Variants in SPATA17 observed in about 807,000 individuals in gnomAD.
SPATA17 encodes the protein spermatogenesis-associated protein 17.
A neutral mutation model predicts 62.2 loss-of-function variants in SPATA17; 53 were observed. The observed-to-expected ratio is 0.85, with a 90% CI of 0.68 to 1.07. The LOEUF is 1.07. Ranked by LOEUF, SPATA17 falls within the 50% of genes least tolerant of loss-of-function variation. The pLI is 0.00. For synonymous variants in SPATA17, 146 were observed against 146.8 expected (o/e 0.99, Z 0.04); for missense variants, 466 against 425.5 (o/e 1.10, Z -0.84).
At chr1:217,668,930 A>T in intron 3 of SPATA17, 103 bp from the exon 4 acceptor site, 1 of 979,506 alleles carries the variant, frequency 1.0e-6, no homozygotes, top group Non-Finnish European at 1.6e-6. Flanking sequence ...TAGAACTCTT[A>T]TTATGTATTA....
At chr1:217,745,044 C>T (rs768991946) in intron 6 of SPATA17, among the ~76,000 whole-genome samples, 1 of 152,122 alleles carries the variant, frequency 6.6e-6, no homozygotes, top group Non-Finnish European at 1.5e-5. Flanking sequence ...TTCCTCATTT[C>T]CTTTCTTGGC....
chr1:217,640,455 G>T (rs560023903), intron 1 of SPATA17, among the ~76,000 whole-genome samples: 2 of 152,204 alleles, frequency 1.3e-5, no homozygotes, highest in East Asian at 3.9e-4. Flanking sequence ...TATAATTTAA[G>T]ACTTTGGCAA....
At chr1:217,836,915 C>T (rs1010052878) in intron 9 of SPATA17, among the ~76,000 whole-genome samples, 3 of 152,050 alleles carry the variant, frequency 2.0e-5, no homozygotes, top group Non-Finnish European at 4.4e-5. Context: ...ATGAATTATT[C>T]AACAATAATT....
chr1:217,687,860 G>A (rs1209809744), intron 5 of SPATA17, among the ~76,000 whole-genome samples: 2 of 152,078 alleles, frequency 1.3e-5, no homozygotes, highest in African/African-American at 4.8e-5. Context: ...TATTTTAATT[G>A]AGCAATAAAA....
intron 9 of SPATA17, among the ~76,000 whole-genome samples, chr1:217,827,315 A>T (rs1675020206): frequency 6.6e-6 from 1 of 152,158 alleles, no homozygotes; most frequent in Non-Finnish European, 1.5e-5. Flanking sequence ...GCAAAGGAAG[A>T]ATTAATATTG....
chr1:217,722,881 T>C (rs1388129307), intron 5 of SPATA17, among the ~76,000 whole-genome samples: 1 of 152,152 alleles, frequency 6.6e-6, no homozygotes, highest in Non-Finnish European at 1.5e-5. Flanking sequence ...TCTGGATTAT[T>C]GCCAATGCCA....
In SPATA17 at chr1:217,800,208, G is replaced by A. The variant is rs565597993; in HGVS notation, c.873-1510G>A. On this transcript the variant is annotated intron_variant, in intron 8 of 10. Transcript: ENST00000366933. ...TAAAAATTAGATTAGAAACTCTATGGGTGTAAAAGAGTGGCTTTTTGATAG... is the reference window on the plus strand; with the variant it reads ...TAAAAATTAGATTAGAAACTCTATGAGTGTAAAAGAGTGGCTTTTTGATAG... 3.2e-4 allele frequency among the ~76,000 whole-genome samples: 48 copies of A among 152,160 alleles called. 1 individual carries two copies. The highest frequency in any genetic ancestry group is 1.1e-3 in the African/African-American group (44 of 41,516).
intron 9 of SPATA17, among the ~76,000 whole-genome samples, chr1:217,847,662 T>G (rs1675558190): frequency 6.6e-6 from 1 of 152,148 alleles, no homozygotes; most frequent in Admixed American, 6.6e-5. Flanking sequence ...TGTAAAAATG[T>G]TCAGATGTAG....
chr1:217,631,905 G>A (rs1224121373), intron 1 of SPATA17, among the ~76,000 whole-genome samples: 2 of 152,126 alleles, frequency 1.3e-5, no homozygotes, highest in Non-Finnish European at 1.5e-5. Flanking sequence ...CGTATCTGCC[G>A]GGTGTGGTGG....
intron 5 of SPATA17, among the ~76,000 whole-genome samples, chr1:217,723,272 G>T (rs1337483963): frequency 6.6e-6 from 1 of 152,048 alleles, no homozygotes; most frequent in Non-Finnish European, 1.5e-5. Flanking sequence ...TCACTTCCTC[G>T]GTGAGCTGAA....
intron 9 of SPATA17, among the ~76,000 whole-genome samples, chr1:217,819,011 A>C (rs1019241496): frequency 2.0e-5 from 3 of 151,110 alleles, no homozygotes; most frequent in African/African-American, 7.3e-5. Flanking sequence ...GCTTTAAATA[A>C]GTTTCCTGCA....
chr1:217,667,771 T>C (rs951746158), intron 3 of SPATA17, among the ~76,000 whole-genome samples: 5 of 152,236 alleles, frequency 3.3e-5, no homozygotes, highest in African/African-American at 7.2e-5. Context: ...CAATATGATG[T>C]CAAGAAGTAC....
In SPATA17 at chr1:217,871,081, C is replaced by A. The variant is rs142320044; in HGVS notation, c.*4062C>A. On this transcript the variant is annotated 3_prime_UTR_variant, in exon 11 of 11. Coordinates refer to ENST00000366933, the MANE Select transcript of SPATA17 (RefSeq NM_138796.4). ...ATTTATAGTTATATATGATGTAGAT[C>A]TAGATTGTGATGTACACTAAGTGGG... The A allele has an allele frequency of 1.3e-5, 2 of 152,238 alleles. No individual in the cohort carries two copies. The highest frequency in any genetic ancestry group is 4.8e-5 in the African/African-American group (2 of 41,556). The allele number at this position is 152,238 out of a possible 1,614,324, so 9.4% of individuals were successfully genotyped here.
intron 6 of SPATA17, among the ~76,000 whole-genome samples, chr1:217,761,065 C>T (rs1428871658): frequency 6.6e-6 from 1 of 152,084 alleles, no homozygotes; most frequent in Non-Finnish European, 1.5e-5. Context: ...GATTTGATAT[C>T]CACTTCTACT....
At chr1:217,791,290 T>A (rs1002139354) in intron 8 of SPATA17, among the ~76,000 whole-genome samples, 9 of 152,224 alleles carry the variant, frequency 5.9e-5, no homozygotes, top group African/African-American at 2.2e-4. Flanking sequence ...CCAGTATTCC[T>A]CTGCCTCTCC....
intron 5 of SPATA17, among the ~76,000 whole-genome samples, chr1:217,704,388 C>G (rs1411761794): frequency 6.6e-6 from 1 of 150,584 alleles, no homozygotes; most frequent in Non-Finnish European, 1.5e-5. Context: ...GTAGCTGGGA[C>G]TACAGGCGCC....
chr1:217,711,220 G>C (rs778292669), intron 5 of SPATA17, among the ~76,000 whole-genome samples: 1 of 152,134 alleles, frequency 6.6e-6, no homozygotes, highest in East Asian at 1.9e-4. Flanking sequence ...AGGGTTTGGT[G>C]TACATATTAT....
chr1:217,853,950 T>C (rs78616586), intron 9 of SPATA17, among the ~76,000 whole-genome samples: 6 of 152,196 alleles, frequency 3.9e-5, no homozygotes, highest in African/African-American at 9.6e-5. Flanking sequence ...AGGAGTTTAA[T>C]TGAGCAATGA....
intron 7 of SPATA17, 57 bp downstream of exon 7, chr1:217,774,594 A>T (rs1308679106): frequency 7.6e-6 from 11 of 1,440,434 alleles, no homozygotes; most frequent in Admixed American, 1.9e-5. Context: ...TATTTTTTGC[A>T]CTTTTTATAT....
Sources: allele counts gnomAD v4.1 joint callset (sites outside exome capture counted in the v4.1 genomes callset), GRCh38; gene constraint gnomAD v4.1.1; transcripts MANE v1.5; gene names NCBI Gene and HGNC (gene_info 2026-07-23, HGNC 2026-07-21).